The following PCDH19 variants were observed in gnomAD, a reference collection of about 807,000 sequenced individuals.
PCDH19 encodes protocadherin-19.
In PCDH19, 6 loss-of-function variants were observed where a neutral mutation model predicts 46.2. The ratio of observed to expected loss-of-function variants is 0.13; its 90% CI spans 0.07 to 0.26. The LOEUF (loss-of-function observed/expected upper bound fraction) is 0.26. Among genes scored for constraint, PCDH19 ranks in the 10% least tolerant of loss-of-function variants. PCDH19 has a pLI of 1.00. For missense variants in PCDH19, 740 were observed against 972.3 expected (o/e 0.76, Z 3.18); for synonymous variants, 481 against 415.7 (o/e 1.16, Z -1.91).
chrX:100,328,446 G>A (rs754580958), intron 5 of PCDH19, among the ~76,000 whole-genome samples: 7 of 111,689 alleles, frequency 6.3e-5, no homozygotes, highest in Middle Eastern at 4.6e-3. Flanking sequence ...GAGCTAAACA[G>A]CATGTCAACT....
chrX:100,350,099 T>TA (rs1926524139), intron 4 of PCDH19, among the ~76,000 whole-genome samples: 1 of 112,628 alleles, frequency 8.9e-6, no homozygotes, highest in African/African-American at 3.2e-5. Flanking sequence ...TCTCTGTCAT[T>TA]AAAATATCTT....
At chrX:100,322,765 T>A (rs1925533277) in intron 5 of PCDH19, among the ~76,000 whole-genome samples, 1 of 102,098 alleles carries the variant, frequency 9.8e-6, no homozygotes, top group Non-Finnish European at 2.0e-5. Flanking sequence ...GTCTATGATA[T>A]CTTTCAGCAG....
rs1186537687 is a variant in PCDH19, at chrX:100,408,081, G to A, written c.517C>T (p.Leu173=). The A allele has an allele frequency of 8.3e-7, 1 of 1,210,065 alleles. No homozygotes were observed. Among genetic ancestry groups the A allele is most frequent in the Non-Finnish European group, 1.1e-6 (1 of 895,642 alleles). ...VQTYELTPNE[L]FGLEIKTRGD... The stretch of plus-strand genomic sequence containing the variant: ...CGCGTCTTGATCTCCAGGCCGAACA[G>A]CTCGTTGGGCGTGAGCTCGTAAGTC... The change falls in exon 1 of 6, where the codon CTG becomes TTG. Residue 173 remains leucine (L), a synonymous_variant. Coordinates refer to ENST00000373034, the MANE Select transcript of PCDH19 (RefSeq NM_001184880.2).
chrX:100,300,907 C>A, intron 5 of PCDH19, among the ~76,000 whole-genome samples: 1 of 48,135 alleles, frequency 2.1e-5, no homozygotes, highest in Admixed American at 3.0e-4. Flanking sequence ...TTCCAAAACC[C>A]CTGGCCAAAA....
Position 100,388,591 on chromosome X carries a change from G to C in PCDH19, c.2616+13933C>G, listed in dbSNP as rs139596705. Among the ~76,000 whole-genome samples, 1,051 of 110,867 alleles carry C rather than the reference G, an allele frequency of 9.5e-3. 15 individuals are homozygous for C. The highest frequency in any genetic ancestry group is 0.033 in the African/African-American group (1,005 of 30,622). On this transcript the variant is annotated intron_variant, in intron 3 of 5. Transcript: ENST00000373034. ...ACGCTGATCTAAAATTATTTCCTTAGGATAAATTCCAGAAGTAGAAATATT... is the reference window on the plus strand; with the variant it reads ...ACGCTGATCTAAAATTATTTCCTTACGATAAATTCCAGAAGTAGAAATATT...
chrX:100,376,412 T>C (rs961815941), intron 3 of PCDH19, among the ~76,000 whole-genome samples: 2 of 111,449 alleles, frequency 1.8e-5, no homozygotes, highest in African/African-American at 6.5e-5. Context: ...TTCCAGGGAT[T>C]TTTTTTAAAA....
rs370078729 is a variant in PCDH19 at position 100,296,462 on chromosome X, C to G, written c.3262G>C (p.Ala1088Pro). The G allele has an allele frequency of 8.3e-7, 1 of 1,211,210 alleles. No homozygotes were observed. Among genetic ancestry groups the G allele is most frequent in the African/African-American group, 1.7e-5 (1 of 57,612 alleles). The change falls in exon 6 of 6, where the codon GCT (alanine) becomes CCT (proline). Residue 1088 changes from alanine to proline, a missense_variant. Physicochemically the swap from Ala to Pro is conservative, Grantham distance 27. Transcript: ENST00000373034. The stretch of plus-strand genomic sequence containing the variant: ...TGCTCCAGATCACGGGCTGGGGGAG[C>G]CAGGGCAATGGTGTAAGACACGGAA... ...KPSVSYTIAL[A>P]PPARDLEQYV...
At chrX:100,309,560 G>C (rs937903570) in intron 5 of PCDH19, among the ~76,000 whole-genome samples, 1 of 111,783 alleles carries the variant, frequency 8.9e-6, no homozygotes, top group Non-Finnish European at 1.9e-5. Flanking sequence ...AAAATGTTTA[G>C]AAGAGGCACC....
chrX:100,314,025 C>A (rs1323077869), intron 5 of PCDH19, among the ~76,000 whole-genome samples: 1 of 111,742 alleles, frequency 8.9e-6, no homozygotes, highest in Non-Finnish European at 1.9e-5. Flanking sequence ...TGTCCCCCTT[C>A]TTCCAGAGTT....
At chrX:100,390,911 G>A (rs1450688190) in intron 3 of PCDH19, among the ~76,000 whole-genome samples, 1 of 111,883 alleles carries the variant, frequency 8.9e-6, no homozygotes, top group Non-Finnish European at 1.9e-5. Context: ...ATCCCACAAA[G>A]AGAATGACAA....
At chrX:100,329,114 C>T (rs1052349043) in intron 5 of PCDH19, among the ~76,000 whole-genome samples, 2 of 112,014 alleles carry the variant, frequency 1.8e-5, no homozygotes, top group Non-Finnish European at 3.8e-5. Context: ...ACCTACCCTC[C>T]GGCTAACCAG....
chrX:100,379,347 A>ACACACCC (rs66715683), intron 3 of PCDH19, among the ~76,000 whole-genome samples: 1 of 65,276 alleles, frequency 1.5e-5, no homozygotes, highest in Non-Finnish European at 2.7e-5. Context: ...ACACACACAC[A>ACACACCC]CATTTCCTCC....
chrX:100,363,560 C>T (rs796697679), intron 3 of PCDH19, among the ~76,000 whole-genome samples: 6 of 103,511 alleles, frequency 5.8e-5, no homozygotes, highest in Admixed American at 2.1e-4. Context: ...CCTTTATCTA[C>T]GCTATCAGAA....
chrX:100,405,264 G>A (rs1425495307), intron 1 of PCDH19, among the ~76,000 whole-genome samples: 1 of 112,133 alleles, frequency 8.9e-6, no homozygotes, highest in Non-Finnish European at 1.9e-5. Context: ...TGATGTGTAG[G>A]TGTGTTGAAA....
chrX:100,394,866 T>C lies in PCDH19; in HGVS notation c.2616+7658A>G, dbSNP rs771384755. On this transcript the variant is annotated intron_variant, in intron 3 of 5. Transcript: ENST00000373034. The stretch of plus-strand genomic sequence containing the variant: ...CCTTTCAAAGGTTTTGTAAATCTTG[T>C]CAATTTGAGGAATCTAATTTTTTTT... Among the ~76,000 whole-genome samples, 57 of 106,984 alleles carry C rather than the reference T, an allele frequency of 5.3e-4. No homozygotes were observed. The Middle Eastern group carries it at 0.014, about 27-fold the overall frequency. 92.9% of individuals were successfully genotyped at this position (106,984 alleles called of 115,157 possible). A position where few individuals can be genotyped will look rare whatever the true frequency, so the allele number is the denominator to read the frequency against.
At chrX:100,324,724 A>G (rs745443672) in intron 5 of PCDH19, among the ~76,000 whole-genome samples, 111 of 112,001 alleles carry the variant, frequency 9.9e-4, no homozygotes, top group Middle Eastern at 9.3e-3. Flanking sequence ...TTTTAAAGAG[A>G]GAAAGAGACG....
intron 3 of PCDH19, among the ~76,000 whole-genome samples, chrX:100,390,231 G>A (rs5967128): frequency 0.052 from 5,737 of 111,208 alleles, 352 homozygotes; most frequent in African/African-American, 0.18. Flanking sequence ...GTGGATGGAT[G>A]AATGAGTGGA....
At chrX:100,350,134 A>G (rs1926524816) in intron 4 of PCDH19, among the ~76,000 whole-genome samples, 1 of 112,443 alleles carries the variant, frequency 8.9e-6, no homozygotes, top group Non-Finnish European at 1.9e-5. Context: ...AGTTGTTGAA[A>G]TAGCATCAAT....
At position 100,296,566 on chromosome X, in the gene PCDH19, C is replaced by T. The variant is rs1241637351; in HGVS notation, c.3158G>A (p.Arg1053Gln). 6 of 1,209,185 alleles carry T rather than the reference C, an allele frequency of 5.0e-6. No homozygotes were observed. The highest frequency in any genetic ancestry group is 6.7e-6 in the Non-Finnish European group (6 of 894,990). Residue 1053 changes from arginine to glutamine, a missense_variant, in exon 6 of 6, where the codon CGG becomes CAG. This residue lies in a region of PCDH19 where 416 missense variants were observed against 476.8 expected (regional missense o/e 0.87). Coordinates refer to ENST00000373034, the MANE Select transcript of PCDH19 (RefSeq NM_001184880.2). Reference protein sequence around the residue: ...ICSPKVNSVIREAGNGCEAIS... With the variant: ...ICSPKVNSVIQEAGNGCEAIS... ...CGCCTCACAGCCATTGCCTGCCTCC[C>T]GGATAACGCTGTTGACCTTGGGGCT...
Sources: allele counts gnomAD v4.1 joint callset (sites outside exome capture counted in the v4.1 genomes callset), GRCh38; gene constraint gnomAD v4.1.1; regional missense constraint gnomAD v4.1.1; transcripts MANE v1.5; gene names NCBI Gene and HGNC (gene_info 2026-07-23, HGNC 2026-07-21).